Variants in ARMC9 observed in about 807,000 individuals in gnomAD.
The protein encoded by ARMC9 is armadillo repeat containing 9.
A neutral mutation model predicts 107.0 loss-of-function variants in ARMC9; 94 were observed. That is an observed-to-expected ratio of 0.88 (90% CI 0.74 to 1.04). The LOEUF (loss-of-function observed/expected upper bound fraction) is 1.04. Ranked by LOEUF, ARMC9 falls within the 50% of genes least tolerant of loss-of-function variation. The probability of loss-of-function intolerance (pLI) is 0.00; values close to 1 mark genes in which losing one functional copy is unlikely to be tolerated. For synonymous variants in ARMC9, 380 were observed against 396.9 expected (o/e 0.96, Z 0.51); for missense variants, 942 against 1,030.1 (o/e 0.91, Z 1.17).
rs773675210 is a variant in ARMC9, at chr2:231,240,038, G to GA, written c.877dup (p.Thr293AsnfsTer27). 1 of 1,612,838 alleles carries GA rather than the reference G, an allele frequency of 6.2e-7. No homozygotes were observed. Among genetic ancestry groups the GA allele is most frequent in the Non-Finnish European group, 8.5e-7 (1 of 1,179,296 alleles). On this transcript the variant is annotated frameshift_variant, in exon 9 of 25. Transcript: ENST00000611582. LOFTEE classifies it high-confidence loss of function. ...ATAGTGTGGACTTCACGAGGCCTGG[G>GA]ACGGTGAGGCTCTGCGCTCAGGGCA... is the stretch of plus-strand genomic sequence containing the variant.
chr2:231,274,368 G>C (rs1235379328), intron 14 of ARMC9, among the ~76,000 whole-genome samples: 1 of 151,890 alleles, frequency 6.6e-6, no homozygotes, highest in African/African-American at 2.4e-5. Flanking sequence ...CACCCGCCTC[G>C]GCCTCCCAAA....
At chr2:231,244,231 G>A (rs973094355) in intron 9 of ARMC9, among the ~76,000 whole-genome samples, 1 of 152,130 alleles carries the variant, frequency 6.6e-6, no homozygotes, top group Non-Finnish European at 1.5e-5. Flanking sequence ...AAATTCAAAA[G>A]GGCCCATTAA....
intron 9 of ARMC9, among the ~76,000 whole-genome samples, chr2:231,246,179 T>G (rs1251602804): frequency 6.6e-6 from 1 of 152,192 alleles, no homozygotes; most frequent in East Asian, 1.9e-4. Context: ...AAGGCCCCAT[T>G]GGAAATAAAA....
rs185258141 is a variant in ARMC9 at position 231,210,323 on chromosome 2, T to C, written c.177+2071T>C. ...GGCACCCCCCACACCTAGAACGATA[T>C]GTTCAGAACATAAAAGAATATAGTC... is the stretch of plus-strand genomic sequence containing the variant. On this transcript the variant is annotated intron_variant, in intron 3 of 24. Coordinates refer to ENST00000611582, the MANE Select transcript of ARMC9 (RefSeq NM_001352754.2). Among the ~76,000 whole-genome samples, 451 of 152,298 alleles carry C rather than the reference T, an allele frequency of 3.0e-3. 4 individuals are homozygous for C. Among genetic ancestry groups the C allele is most frequent in the Non-Finnish European group, 3.2e-4 (22 of 68,022 alleles).
chr2:231,343,905 A>G (rs2044666448), intron 20 of ARMC9, among the ~76,000 whole-genome samples: 1 of 152,048 alleles, frequency 6.6e-6, no homozygotes, highest in Non-Finnish European at 1.5e-5. Flanking sequence ...TCTCGAGGAA[A>G]AAAAAAAAAG....
chr2:231,277,114 T>C (rs969618363), intron 15 of ARMC9, among the ~76,000 whole-genome samples: 1 of 152,188 alleles, frequency 6.6e-6, no homozygotes, highest in Non-Finnish European at 1.5e-5. Context: ...CAAGATACTA[T>C]AGGATTAAGC....
In ARMC9 at chr2:231,313,788, C is replaced by T. The variant is rs2042494845; in HGVS notation, c.1773+17535C>T. The stretch of plus-strand genomic sequence containing the variant: ...TGTTTGTTTGAGACAGGGTGTCACT[C>T]TTGTCACGCAGGCTGGAGTGCAGGG... On this transcript the variant is annotated intron_variant, in intron 19 of 24. Coordinates refer to ENST00000611582, the MANE Select transcript of ARMC9 (RefSeq NM_001352754.2). Among the ~76,000 whole-genome samples, 3 of 151,764 alleles carry T rather than the reference C, an allele frequency of 2.0e-5. No individual in the cohort carries two copies. The South Asian group carries it at 6.2e-4, about 31-fold the overall frequency.
chr2:231,253,687 A>G (rs1457345336), intron 9 of ARMC9, among the ~76,000 whole-genome samples: 1 of 152,188 alleles, frequency 6.6e-6, no homozygotes, highest in Non-Finnish European at 1.5e-5. Flanking sequence ...TGCATTTCCA[A>G]TGAGAGCTGG....
chr2:231,315,468 G>A (rs949729294), intron 19 of ARMC9, among the ~76,000 whole-genome samples: 1 of 152,134 alleles, frequency 6.6e-6, no homozygotes, highest in Non-Finnish European at 1.5e-5. Context: ...GAACCTTGCA[G>A]GCAGAGGTTA....
chr2:231,345,053 C>T lies in ARMC9; in HGVS notation c.1957C>T (p.Pro653Ser), dbSNP rs1409683923. The stretch of plus-strand genomic sequence containing the variant: ...GAGCGGGGATGAGCCCCTGCAAAGG[C>T]CCGTCACCCCCGGCGGCCACAGAAA... ...QWSGDEPLQR[P>S]VTPGGHRNGY... The change falls in exon 21 of 25, where the codon CCC (proline) becomes TCC (serine). Residue 653 changes from proline to serine, a missense_variant. Coordinates refer to ENST00000611582, the MANE Select transcript of ARMC9 (RefSeq NM_001352754.2). 1 of 1,613,790 alleles carries T rather than the reference C, an allele frequency of 6.2e-7. No homozygotes were observed. The highest frequency in any genetic ancestry group is 8.5e-7 in the Non-Finnish European group (1 of 1,179,948).
chr2:231,219,294 T>C (rs1296965683), intron 5 of ARMC9, among the ~76,000 whole-genome samples: 1 of 152,208 alleles, frequency 6.6e-6, no homozygotes, highest in Non-Finnish European at 1.5e-5. Flanking sequence ...ACCTCTTCCA[T>C]CTGGGATAGT....
Position 231,345,041 on chromosome 2 carries a change from C to T in ARMC9, c.1945C>T (p.Pro649Ser), listed in dbSNP as rs951734426. The T allele has an allele frequency of 6.2e-7, 1 of 1,613,936 alleles. No individual in the cohort carries two copies. Among genetic ancestry groups the T allele is most frequent in the Non-Finnish European group, 8.5e-7 (1 of 1,179,986 alleles). ...TAATGTGCAGTGGAGCGGGGATGAG[C>T]CCCTGCAAAGGCCCGTCACCCCCGG... is the stretch of plus-strand genomic sequence containing the variant. ...LANVQWSGDE[P>S]LQRPVTPGGH... The change falls in exon 21 of 25, where the codon CCC becomes TCC. Residue 649 changes from proline (P) to serine (S), a missense_variant. Coordinates refer to ENST00000611582, the MANE Select transcript of ARMC9 (RefSeq NM_001352754.2).
chr2:231,305,240 C>G (rs1281843585), intron 19 of ARMC9, among the ~76,000 whole-genome samples: 1 of 152,232 alleles, frequency 6.6e-6, no homozygotes, highest in Admixed American at 6.5e-5. Flanking sequence ...GTGACTGCTA[C>G]TAGAGTTTGA....
intron 20 of ARMC9, among the ~76,000 whole-genome samples, chr2:231,335,217 G>T (rs1436022844): frequency 2.0e-5 from 3 of 152,188 alleles, no homozygotes; most frequent in Admixed American, 2.0e-4. Flanking sequence ...TGGCCAGCAG[G>T]TGTGATCCTG....
intron 9 of ARMC9, among the ~76,000 whole-genome samples, chr2:231,250,037 G>T (rs2037155014): frequency 6.6e-6 from 1 of 151,900 alleles, no homozygotes; most frequent in Non-Finnish European, 1.5e-5. Context: ...GCATTTGCAG[G>T]TCCACTGTGA....
At chr2:231,330,419 G>A (rs2125555240) in intron 19 of ARMC9, among the ~76,000 whole-genome samples, 1 of 152,204 alleles carries the variant, frequency 6.6e-6, no homozygotes, top group East Asian at 1.9e-4. Flanking sequence ...TGCCTAGAAG[G>A]GACGAGAGTG....
intron 9 of ARMC9, among the ~76,000 whole-genome samples, chr2:231,247,564 A>AC (rs2036890058): frequency 6.6e-6 from 1 of 152,016 alleles, no homozygotes; most frequent in Non-Finnish European, 1.5e-5. Context: ...CCCAACCAGC[A>AC]CCCCTGACCC....
rs1404357735 is a variant in ARMC9 at position 231,272,994 on chromosome 2, TGCTGGAGGGAAG to T, written c.1255_1266del (p.Glu419_Leu422del). Reference sequence around the variant, plus strand: ...GCCCAGAACACAAAGGTGCTGCAGATGCTGGAGGGAAGGCTGAAGGAGGAGGACAAGGATATC... The same window carrying T: ...GCCCAGAACACAAAGGTGCTGCAGATGCTGAAGGAGGAGGACAAGGATATC... On this transcript the variant is annotated inframe_deletion, in exon 14 of 25. Coordinates refer to ENST00000611582, the MANE Select transcript of ARMC9 (RefSeq NM_001352754.2). The T allele has an allele frequency of 2.7e-5, 43 of 1,613,882 alleles. No individual in the cohort carries two copies. The highest frequency in any genetic ancestry group is 3.6e-5 in the Non-Finnish European group (42 of 1,179,954).
chr2:231,216,810 A>G lies in ARMC9; in HGVS notation c.504+17A>G, dbSNP rs140335093. ...CTCTTCCAGGTAAATGTCAGCTTTT[A>G]ACTCTTGTGTCAGATCCTGGGTGAC... On this transcript the variant is annotated intron_variant, in intron 5 of 24. Transcript: ENST00000611582. 256 of 1,608,074 alleles carry G rather than the reference A, an allele frequency of 1.6e-4. No individual in the cohort carries two copies. The East Asian group carries it at 2.2e-3, about 14-fold the overall frequency.
Sources: gnomAD v4.1 joint callset for allele counts (sites outside exome capture counted in the v4.1 genomes callset) on GRCh38, gnomAD v4.1.1 for gene constraint, MANE v1.5 for transcripts, NCBI Gene and HGNC (gene_info 2026-07-23, HGNC 2026-07-21) for gene names.